Variants in ADAM18 observed in about 807,000 individuals in gnomAD.
The protein encoded by ADAM18 is disintegrin and metalloproteinase domain-containing protein 18.
In ADAM18, 117 loss-of-function variants were observed where a neutral mutation model predicts 94.4. The observed-to-expected ratio is 1.24, with a 90% CI of 1.07 to 1.45. The LOEUF (loss-of-function observed/expected upper bound fraction) is 1.45. Among genes scored for constraint, ADAM18 ranks in the 40% most tolerant of loss-of-function variants. The pLI, the probability that ADAM18 is intolerant of heterozygous loss-of-function variation, is 0.00. For synonymous variants in ADAM18, 327 were observed against 291.6 expected (o/e 1.12, Z -1.24); for missense variants, 936 against 880.0 (o/e 1.06, Z -0.81).
rs549142941 is a variant in ADAM18 at position 39,588,951 on chromosome 8, C to G, written c.132+3599C>G. On this transcript the variant is annotated intron_variant, in intron 2 of 19. Coordinates refer to ENST00000265707, the MANE Select transcript of ADAM18 (RefSeq NM_014237.3). ...ACTATGATTGTGTATCTTAGTAAGT[C>G]TTATCTAGGGCACGGGAAGACCAGA... 5.1e-3 allele frequency among the ~76,000 whole-genome samples: 777 copies of G among 152,262 alleles called. 5 individuals carry two copies. Among genetic ancestry groups the G allele is most frequent in the Non-Finnish European group, 6.2e-3 (422 of 68,020 alleles).
chr8:39,600,396 TA>T (rs1205291413), intron 2 of ADAM18, among the ~76,000 whole-genome samples: 1 of 152,240 alleles, frequency 6.6e-6, no homozygotes, highest in South Asian at 2.1e-4. Flanking sequence ...TGGATCCAGG[TA>T]ACTTGCTTTC....
chr8:39,698,475 T>C (rs1228505664), intron 17 of ADAM18, among the ~76,000 whole-genome samples: 4 of 152,036 alleles, frequency 2.6e-5, no homozygotes, highest in African/African-American at 9.7e-5. Context: ...GACACCCAGC[T>C]AGTGTCCACT....
chr8:39,620,032 A>G (rs1200035528), intron 6 of ADAM18, among the ~76,000 whole-genome samples: 1 of 152,124 alleles, frequency 6.6e-6, no homozygotes, highest in Non-Finnish European at 1.5e-5. Context: ...ATGAAATAAT[A>G]TAGGGAGCCC....
At chr8:39,621,035 G>A (rs1468684354) in intron 6 of ADAM18, among the ~76,000 whole-genome samples, 1 of 151,986 alleles carries the variant, frequency 6.6e-6, no homozygotes, top group Non-Finnish European at 1.5e-5. Flanking sequence ...CCTGGAAAAT[G>A]TGATAATGGA....
rs569228152 is a variant in ADAM18 at position 39,640,138 on chromosome 8, C to T, written c.909+1592C>T. Among the ~76,000 whole-genome samples the T allele has an allele frequency of 6.6e-5, 10 of 152,100 alleles. No homozygotes were observed. In the South Asian group the frequency reaches 2.1e-3, roughly 32 times the overall value. On this transcript the variant is annotated intron_variant, in intron 10 of 19. Transcript: ENST00000265707. ...ATCATTCCATCACATAGATATTAAGCCCAACATCCTTTAGCTATTCTTCCT... is the reference window on the plus strand; with the variant it reads ...ATCATTCCATCACATAGATATTAAGTCCAACATCCTTTAGCTATTCTTCCT...
chr8:39,708,772 A>G (rs1295653361), intron 18 of ADAM18, among the ~76,000 whole-genome samples: 2 of 152,230 alleles, frequency 1.3e-5, no homozygotes, highest in African/African-American at 4.8e-5. Flanking sequence ...AACTCCACTC[A>G]CTGGGACCTG....
intron 16 of ADAM18, among the ~76,000 whole-genome samples, chr8:39,690,064 CG>C (rs1173189348): frequency 2.6e-5 from 4 of 152,078 alleles, no homozygotes; most frequent in Admixed American, 1.3e-4. Flanking sequence ...ATTTTGTATT[CG>C]GAGACTTTGC....
intron 2 of ADAM18, among the ~76,000 whole-genome samples, chr8:39,593,699 T>A (rs1468605437): frequency 6.6e-6 from 1 of 152,158 alleles, no homozygotes; most frequent in Non-Finnish European, 1.5e-5. Flanking sequence ...ATTTTGCAGT[T>A]CTGTCTTTTG....
At chr8:39,655,567 G>A (rs1463123544) in intron 12 of ADAM18, among the ~76,000 whole-genome samples, 1 of 152,062 alleles carries the variant, frequency 6.6e-6, no homozygotes, top group East Asian at 1.9e-4. Flanking sequence ...CATAACAGTT[G>A]TTCTCACTGA....
intron 2 of ADAM18, among the ~76,000 whole-genome samples, chr8:39,590,892 T>C (rs2129458017): frequency 6.6e-6 from 1 of 152,308 alleles, no homozygotes; most frequent in South Asian, 2.1e-4. Flanking sequence ...TTTTGCTTAT[T>C]ATTGTTCAAA....
At chr8:39,692,853 A>G (rs1339588937) in intron 17 of ADAM18, among the ~76,000 whole-genome samples, 173 bp downstream of exon 17, 2 of 151,688 alleles carry the variant, frequency 1.3e-5, no homozygotes, top group African/African-American at 4.8e-5. Context: ...ATTGTACCAG[A>G]TACGTATTGA....
chr8:39,585,211 G>C, intron 1 of ADAM18, 65 bp from the exon 2 acceptor site: 2 of 1,344,046 alleles, frequency 1.5e-6, no homozygotes, highest in Non-Finnish European at 2.1e-6. Context: ...ATAAGAACCC[G>C]TGCTTGACTG....
chr8:39,598,575 C>A (rs1459653413), intron 2 of ADAM18, among the ~76,000 whole-genome samples: 2 of 151,904 alleles, frequency 1.3e-5, no homozygotes, highest in East Asian at 3.9e-4. Context: ...CGAGACCTGC[C>A]TGGCCAACAT....
intron 10 of ADAM18, among the ~76,000 whole-genome samples, chr8:39,644,604 G>C (rs1023761303): frequency 6.6e-6 from 1 of 152,062 alleles, no homozygotes; most frequent in Non-Finnish European, 1.5e-5. Context: ...TCTTTACTGT[G>C]ATTGTGTCTG....
chr8:39,702,962 T>C (rs184563708), intron 17 of ADAM18, among the ~76,000 whole-genome samples: 2 of 152,242 alleles, frequency 1.3e-5, no homozygotes, highest in Non-Finnish European at 2.9e-5. Flanking sequence ...CCCTGGCCAT[T>C]TGGACTCTTT....
chr8:39,723,002 G>GA (rs11377422), intron 18 of ADAM18, among the ~76,000 whole-genome samples: 141,152 of 151,448 alleles, frequency 0.93, 65,900 homozygotes, highest in African/African-American at 0.98. Context: ...TTGGAGAGGA[G>GA]AAGGATTAGG....
intron 6 of ADAM18, among the ~76,000 whole-genome samples, chr8:39,627,876 A>G (rs1225428277): frequency 6.7e-6 from 1 of 149,792 alleles, no homozygotes; most frequent in African/African-American, 2.5e-5. Flanking sequence ...AAGATGTACA[A>G]CTCCTTTTAG....
rs772873567 is a variant in ADAM18 at position 39,606,305 on chromosome 8, A to G, written c.133-2A>G. The G allele has an allele frequency of 6.6e-7, 1 of 1,514,886 alleles. No homozygotes were observed. The highest frequency in any genetic ancestry group is 9.0e-7 in the Non-Finnish European group (1 of 1,111,970). 93.8% of individuals were successfully genotyped at this position (1,514,886 alleles called of 1,614,324 possible). A position where few individuals can be genotyped will look rare whatever the true frequency, so the allele number is the denominator to read the frequency against. ...AATCTTTACTGATGTGTTTTATTTT[A>G]GATGATTTACATCATTACAATTGAT... On this transcript the variant is annotated splice_acceptor_variant, in intron 2 of 19. Transcript: ENST00000265707. LOFTEE classifies it high-confidence loss of function.
chr8:39,684,667 T>A (rs1821561278), intron 16 of ADAM18, among the ~76,000 whole-genome samples: 1 of 152,236 alleles, frequency 6.6e-6, no homozygotes, highest in South Asian at 2.1e-4. Context: ...GCCTCACTCT[T>A]GCTCCCAGCT....
Sources: gnomAD v4.1 joint callset for allele counts (sites outside exome capture counted in the v4.1 genomes callset) on GRCh38, gnomAD v4.1.1 for gene constraint, MANE v1.5 for transcripts, NCBI Gene and HGNC (gene_info 2026-07-23, HGNC 2026-07-21) for gene names.